BAZ2A: variants seen among roughly 807,000 people sequenced by gnomAD.
BAZ2A encodes the protein bromodomain adjacent to zinc finger domain protein 2A.
A neutral mutation model predicts 199.9 loss-of-function variants in BAZ2A; 34 were observed. The ratio of observed to expected loss-of-function variants is 0.17; its 90% CI spans 0.13 to 0.23. The LOEUF (loss-of-function observed/expected upper bound fraction) is 0.23, where lower values mean the gene tolerates loss of function less well. BAZ2A is among the 10% of genes least tolerant of loss of function. BAZ2A has a pLI of 1.00. For synonymous variants in BAZ2A, 857 were observed against 883.9 expected (o/e 0.97, Z 0.54); for missense variants, 2,002 against 2,391.1 (o/e 0.84, Z 3.39).
At chr12:56,606,349 C>T (rs1193938365) in intron 11 of BAZ2A, 37 bp from the exon 12 acceptor site, 1 of 1,610,256 alleles carries the variant, frequency 6.2e-7, no homozygotes, top group Admixed American at 1.7e-5. Flanking sequence ...TCCTCAAACT[C>T]TGAAAGCATC....
chr12:56,631,650 C>A (rs1232590460), upstream of BAZ2A, among the ~76,000 whole-genome samples: 1 of 152,126 alleles, frequency 6.6e-6, no homozygotes, highest in South Asian at 2.1e-4. Context: ...CAATGCAATG[C>A]AGTTCTAGAA....
In BAZ2A at chr12:56,612,094, T is replaced by C. The variant is rs188521176; in HGVS notation, c.1288A>G (p.Thr430Ala). The change falls in exon 6 of 29, where the codon ACA becomes GCA. Residue 430 changes from threonine to alanine, a missense_variant. This residue lies in a region of BAZ2A where 641 missense variants were observed against 694.5 expected (regional missense o/e 0.92). Transcript: ENST00000549884. ...HPATSPAVSP[T>A]TSPAVSLVVS... ...ACTAGGGAGACTGCTGGGGAGGTTG[T>C]TGGCGAGACTGCTGGTGAGGTTGCT... is the stretch of plus-strand genomic sequence containing the variant. 7 of 1,613,718 alleles carry C rather than the reference T, an allele frequency of 4.3e-6. No homozygotes were observed. The highest frequency in any genetic ancestry group is 2.7e-5 in the African/African-American group (2 of 74,998).
chr12:56,611,024 T>C (rs956555717), intron 7 of BAZ2A, among the ~76,000 whole-genome samples: 1 of 152,058 alleles, frequency 6.6e-6, no homozygotes, highest in African/African-American at 2.4e-5. Context: ...CTCTAATCTT[T>C]CTCTCAAAAT....
chr12:56,615,457 T>C lies in BAZ2A; in HGVS notation c.287A>G (p.Tyr96Cys). The change falls in exon 3 of 29, where the codon TAC (tyrosine) becomes TGC (cysteine). Residue 96 changes from tyrosine to cysteine, a missense_variant. Physicochemically the swap from Tyr to Cys is radical, Grantham distance 194 (BLOSUM62 -2). Transcript: ENST00000549884. Reference sequence around the variant, plus strand: ...GTTGCTGCCAGGATTGGCAGATGGGTACTGTGAGTAGTTCCAGAGACAGTC... The same window carrying C: ...GTTGCTGCCAGGATTGGCAGATGGGCACTGTGAGTAGTTCCAGAGACAGTC... ...AYDCLWNYSQ[Y>C]PSANPGSNLK... 1 of 1,611,998 alleles carries C rather than the reference T, an allele frequency of 6.2e-7. No individual in the cohort carries two copies. Among genetic ancestry groups the C allele is most frequent in the Non-Finnish European group, 8.5e-7 (1 of 1,179,654 alleles).
At chr12:56,630,660 T>C (rs1951283459), upstream of BAZ2A, 1 of 649,198 alleles carries the variant, frequency 1.5e-6, no homozygotes, top group Admixed American at 6.3e-5. Context: ...CAGGGGAATT[T>C]CGGGGGCAGT....
intron 1 of BAZ2A, among the ~76,000 whole-genome samples, chr12:56,625,673 C>T (rs1302723364): frequency 2.6e-5 from 4 of 151,596 alleles, no homozygotes; most frequent in Non-Finnish European, 5.9e-5. Context: ...GTCAGGAGAT[C>T]GAGACCATCC....
rs748016996 is a variant in BAZ2A, at chr12:56,615,040, C to T, written c.704G>A (p.Ser235Asn). 3 of 1,613,058 alleles carry T rather than the reference C, an allele frequency of 1.9e-6. No individual in the cohort carries two copies. The East Asian group carries it at 6.7e-5, about 36-fold the overall frequency. Residue 235 changes from serine (S) to asparagine (N), a missense_variant, in exon 3 of 29, where the codon AGC (serine) becomes AAC (asparagine). Around this residue, in one of 6 missense-constraint regions of BAZ2A, gnomAD observed 641 missense variants for 694.5 expected, o/e 0.92. Coordinates refer to ENST00000549884, the MANE Select transcript of BAZ2A (RefSeq NM_001300905.2). ...TGGCTGCTCTTCTTCCAGCTCCAAG[C>T]TGCCTACCAAGCCAGTGCCATTCTC... ...VAENGTGLVGSLELEEEQPEL... is the reference protein window; with the variant it reads ...VAENGTGLVGNLELEEEQPEL...
intron 14 of BAZ2A, 79 bp from the exon 15 acceptor site, chr12:56,604,878 C>T (rs1175481624): frequency 2.0e-6 from 3 of 1,488,650 alleles, no homozygotes; most frequent in Non-Finnish European, 1.8e-6. Context: ...GAGGAAAATA[C>T]ATCAGAAGAG....
upstream of BAZ2A, among the ~76,000 whole-genome samples, chr12:56,632,782 T>A (rs1317569263): frequency 6.6e-6 from 1 of 152,140 alleles, no homozygotes; most frequent in Admixed American, 6.5e-5. Flanking sequence ...GGATCTTCCT[T>A]GCTCTGAGGA....
rs995580381 is a variant in BAZ2A, at chr12:56,622,136, C to T, written c.-2-4604G>A. Among the ~76,000 whole-genome samples the T allele has an allele frequency of 2.6e-5, 4 of 152,132 alleles. 1 individual carries two copies. Among genetic ancestry groups the T allele is most frequent in the Middle Eastern group, 6.8e-3 (2 of 294 alleles). On this transcript the variant is annotated intron_variant, in intron 1 of 28. Transcript: ENST00000549884. ...GGTGGATCACCTGAAGTCAAGAGTT[C>T]GAAACCAGCCTGGCCAACATGGCGA... is the stretch of plus-strand genomic sequence containing the variant.
chr12:56,630,359 G>A, upstream of BAZ2A: 1 of 833,504 alleles, frequency 1.2e-6, no homozygotes, highest in Non-Finnish European at 1.4e-6. Context: ...AGAAGCCTCG[G>A]CCGGGAGAGA....
chr12:56,637,397 TG>T (rs1182566623), upstream of BAZ2A, among the ~76,000 whole-genome samples: 1 of 152,214 alleles, frequency 6.6e-6, no homozygotes, highest in African/African-American at 2.4e-5. Context: ...GCTATTCCCT[TG>T]TAAGATTATC....
At chr12:56,620,694 G>T (rs907363601) in intron 1 of BAZ2A, among the ~76,000 whole-genome samples, 2 of 151,874 alleles carry the variant, frequency 1.3e-5, no homozygotes, top group Admixed American at 1.3e-4. Context: ...CCAGCAGCTG[G>T]GATTACAGGC....
At chr12:56,611,520 G>A in intron 7 of BAZ2A, 53 bp downstream of exon 7, 2 of 1,539,374 alleles carry the variant, frequency 1.3e-6, no homozygotes, top group Non-Finnish European at 1.8e-6. Flanking sequence ...TCTTTCTAGA[G>A]TTGTGCATTA....
rs779357786 is a variant in BAZ2A at position 56,604,226 on chromosome 12, C to T, written c.3029G>A (p.Arg1010Gln). Reference protein sequence around the residue: ...YRKNKWIVEGRLRRLKTVLAK... With the variant: ...YRKNKWIVEGQLRRLKTVLAK... The stretch of plus-strand genomic sequence containing the variant: ...TCTGTCTGGTCCCTACCTCCGGAGC[C>T]GGCCTTCAACAATCCACTTGTTTTT... The change falls in exon 16 of 29, where the codon CGG becomes CAG. Residue 1010 changes from arginine to glutamine, a missense_variant. By Grantham distance (43) the Arg-to-Gln change is conservative (BLOSUM62 1). Coordinates refer to ENST00000549884, the MANE Select transcript of BAZ2A (RefSeq NM_001300905.2). 4.1e-5 allele frequency: 66 copies of T among 1,605,760 alleles called. No individual in the cohort carries two copies. Among genetic ancestry groups the T allele is most frequent in the African/African-American group, 2.7e-5 (2 of 74,810 alleles).
chr12:56,631,450 C>CAA (rs529753732), upstream of BAZ2A, among the ~76,000 whole-genome samples: 1,128 of 81,532 alleles, frequency 0.014, 29 homozygotes, highest in African/African-American at 0.048. Context: ...GACTCTATCT[C>CAA]AAAAAAAAAA....
chr12:56,627,259 G>A (rs1369092987), intron 1 of BAZ2A, among the ~76,000 whole-genome samples: 6 of 152,214 alleles, frequency 3.9e-5, no homozygotes, highest in East Asian at 1.9e-4. Flanking sequence ...GGCTCAATTC[G>A]AGTTCGAGAC....
In BAZ2A at chr12:56,606,493, C is replaced by T. The variant is rs191865397; in HGVS notation, c.2193+140G>A. ...GTTATTTTTGAACAAACCCAATTCT[C>T]TAAATCAAGTGCAAGAAATTTCAGG... On this transcript the variant is annotated intron_variant, in intron 11 of 28. Coordinates refer to ENST00000549884, the MANE Select transcript of BAZ2A (RefSeq NM_001300905.2). 60 of 1,205,578 alleles carry T rather than the reference C, an allele frequency of 5.0e-5. 1 individual carries two copies. In the Admixed American group the frequency reaches 7.4e-4, roughly 15 times the overall value. The allele number at this position is 1,205,578 out of a possible 1,614,324, so 74.7% of individuals were successfully genotyped here.
At chr12:56,604,403 G>C (rs529888806) in intron 15 of BAZ2A, 112 bp from the exon 16 acceptor site, 12 of 1,337,504 alleles carry the variant, frequency 9.0e-6, no homozygotes, top group African/African-American at 2.9e-5. Context: ...ACCCAGATTG[G>C]GTGAATGGCA....
Sources: gnomAD v4.1 joint callset for allele counts (sites outside exome capture counted in the v4.1 genomes callset) on GRCh38, gnomAD v4.1.1 for gene constraint, gnomAD v4.1.1 regional missense constraint, MANE v1.5 for transcripts, NCBI Gene and HGNC (gene_info 2026-07-23, HGNC 2026-07-21) for gene names.